LRP6: variants seen among roughly 807,000 people sequenced by gnomAD.
LRP6 encodes low-density lipoprotein receptor-related protein 6.
In LRP6, 43 loss-of-function variants were observed where a neutral mutation model predicts 184.1. The observed-to-expected ratio is 0.23, with a 90% confidence interval of 0.18 to 0.30. The LOEUF is 0.30. LRP6 is among the 10% of genes least tolerant of loss of function. The probability of loss-of-function intolerance (pLI) is 1.00; values close to 1 mark genes in which losing one functional copy is unlikely to be tolerated. For synonymous variants in LRP6, 719 were observed against 684.9 expected, an observed-to-expected ratio of 1.05 and a Z score of -0.78; for missense variants, 1,571 against 2,005.3, an observed-to-expected ratio of 0.78 and a Z score of 4.14.
rs1157764946 is a variant in LRP6 at position 12,145,624 on chromosome 12, C to CTTTT, written c.3397+1738_3397+1741dup. Among the ~76,000 whole-genome samples the CTTTT allele has an allele frequency of 3.7e-4, 30 of 80,340 alleles. 1 individual carries two copies. Among genetic ancestry groups the CTTTT allele is most frequent in the African/African-American group, 5.2e-4 (14 of 27,030 alleles). The allele number at this position is 80,340 out of a possible 152,430, so 52.7% of individuals were successfully genotyped here. A position where few individuals can be genotyped will look rare whatever the true frequency, so the allele number is the denominator to read the frequency against. On this transcript the variant is annotated intron_variant, in intron 15 of 22. Transcript: ENST00000261349. The stretch of plus-strand genomic sequence containing the variant: ...GATCCCACATTTCTTTTTTCTTTTT[C>CTTTT]TTTTTTTTTTTTTTTTTTTTTGAGA...
chr12:12,222,817 CT>C (rs1298414494), intron 2 of LRP6, among the ~76,000 whole-genome samples: 2 of 152,038 alleles, frequency 1.3e-5, no homozygotes, highest in Admixed American at 6.6e-5. Context: ...TTACATTAGT[CT>C]TTATAACATC....
chr12:12,164,153 GT>G, intron 9 of LRP6, 119 bp downstream of exon 9: 2 of 894,292 alleles, frequency 2.2e-6, no homozygotes, highest in Non-Finnish European at 3.4e-6. Context: ...AAACTTGAGG[GT>G]TTTTGTTGAA....
intron 6 of LRP6, 79 bp downstream of exon 6, chr12:12,180,964 G>T: frequency 6.8e-7 from 1 of 1,476,936 alleles, no homozygotes; most frequent in Non-Finnish European, 9.5e-7. Context: ...TATATGTCAT[G>T]TTATCTTAGT....
rs184371068 is a variant in LRP6, at chr12:12,248,517, T to C, written c.56-3862A>G. ...TTTTTTTTGAGATGGAGTCTGGCTC[T>C]GTCGCCCAGGCTGGAGTGCAGTGGT... On this transcript the variant is annotated intron_variant, in intron 1 of 22. Coordinates refer to ENST00000261349, the MANE Select transcript of LRP6 (RefSeq NM_002336.3). 1.6e-4 allele frequency among the ~76,000 whole-genome samples: 22 copies of C among 138,778 alleles called. 1 individual carries two copies. Among genetic ancestry groups the C allele is most frequent in the African/African-American group, 5.6e-4 (21 of 37,668 alleles). 91.0% of individuals were successfully genotyped at this position (138,778 alleles called of 152,430 possible).
At chr12:12,243,541 CA>C (rs1211120840) in intron 2 of LRP6, among the ~76,000 whole-genome samples, 1 of 152,010 alleles carries the variant, frequency 6.6e-6, no homozygotes, top group African/African-American at 2.4e-5. Flanking sequence ...TCTGATATCA[CA>C]AAAAATAAAT....
intron 3 of LRP6, among the ~76,000 whole-genome samples, chr12:12,189,734 C>CAAACCA (rs952189868): frequency 6.6e-6 from 1 of 152,162 alleles, no homozygotes; most frequent in Non-Finnish European, 1.5e-5. Flanking sequence ...CTCCTGACCT[C>CAAACCA]AGGTGATCTG....
chr12:12,123,207 G>C (rs1291752855), intron 22 of LRP6, among the ~76,000 whole-genome samples: 2 of 152,212 alleles, frequency 1.3e-5, no homozygotes, highest in Non-Finnish European at 2.9e-5. Flanking sequence ...TGTTTATTCT[G>C]ATGAGTGCCT....
chr12:12,200,766 A>C (rs552303568), intron 3 of LRP6, among the ~76,000 whole-genome samples: 12 of 152,306 alleles, frequency 7.9e-5, no homozygotes, highest in East Asian at 5.8e-4. Context: ...CTTCATAAAG[A>C]AGCAGCCCAT....
intron 12 of LRP6, chr12:12,155,731 C>A (rs1950142709): frequency 9.5e-7 from 1 of 1,055,126 alleles, no homozygotes; most frequent in African/African-American, 1.6e-5. Context: ...TGGGAAGGAG[C>A]CTGAGCTGCT....
chr12:12,253,575 T>TCCCCCCA (rs1865380919), intron 1 of LRP6, among the ~76,000 whole-genome samples: 1 of 51,242 alleles, frequency 2.0e-5, no homozygotes, highest in Non-Finnish European at 3.8e-5. Flanking sequence ...CCCTCCCCCC[T>TCCCCCCA]CCCCCCACCC....
rs773830427 is a variant in LRP6 at position 12,164,499 on chromosome 12, C to A, written c.1826G>T (p.Gly609Val). 6.2e-7 allele frequency: 1 copy of A among 1,614,130 alleles called. No homozygotes were observed. Among genetic ancestry groups the A allele is most frequent in the Non-Finnish European group, 8.5e-7 (1 of 1,180,028 alleles). ...CSHLCLYRPQGLRCACPIGFE... is the reference protein window; with the variant it reads ...CSHLCLYRPQVLRCACPIGFE... ...GCCAATAGGGCAAGCACAGCGAAGG[C>A]CCTGAGGTCTATAGAGGCAGAGATG... The change falls in exon 9 of 23, where the codon GGC becomes GTC. Residue 609 changes from glycine to valine, a missense_variant. By Grantham distance (109) the Gly-to-Val change is moderately radical. Coordinates refer to ENST00000261349, the MANE Select transcript of LRP6 (RefSeq NM_002336.3).
rs747136693 is a variant in LRP6, at chr12:12,121,379, G to A, written c.4589C>T (p.Thr1530Ile). ...GTCACAAACATCTGTGCTGCAGGGT[G>A]TGGTGGGGGGTGCAAAGTGCCGGTA... is the stretch of plus-strand genomic sequence containing the variant. ...YSYRHFAPPT[T>I]PCSTDVCDSD... Residue 1530 changes from threonine (T) to isoleucine (I), a missense_variant, in exon 23 of 23, where the codon ACA (threonine) becomes ATA (isoleucine). This residue lies in a region of LRP6 where 763 missense variants were observed against 859.5 expected (regional missense o/e 0.89). Coordinates refer to ENST00000261349, the MANE Select transcript of LRP6 (RefSeq NM_002336.3). The A allele has an allele frequency of 1.9e-6, 3 of 1,614,190 alleles. No homozygotes were observed. Among genetic ancestry groups the A allele is most frequent in the Non-Finnish European group, 2.5e-6 (3 of 1,180,042 alleles).
At chr12:12,250,050 A>G (rs181437745) in intron 1 of LRP6, among the ~76,000 whole-genome samples, 6 of 152,238 alleles carry the variant, frequency 3.9e-5, no homozygotes, top group Non-Finnish European at 5.9e-5. Flanking sequence ...TAAAACCACT[A>G]TCCTACTCTA....
intron 15 of LRP6, among the ~76,000 whole-genome samples, chr12:12,145,204 G>C (rs1447808453): frequency 6.6e-6 from 1 of 151,906 alleles, no homozygotes. Context: ...AGAGACAGAG[G>C]AGATCAGATG....
intron 2 of LRP6, among the ~76,000 whole-genome samples, chr12:12,230,017 G>A (rs895237587): frequency 6.6e-6 from 1 of 152,156 alleles, no homozygotes; most frequent in African/African-American, 2.4e-5. Context: ...GTTATATGCT[G>A]TTCATTAGCG....
At chr12:12,148,917 T>A (rs781766849) in intron 14 of LRP6, 25 bp downstream of exon 14, 5 of 1,574,768 alleles carry the variant, frequency 3.2e-6, no homozygotes, top group Non-Finnish European at 4.4e-6. Context: ...AGCCACAGTA[T>A]CTGAACGCCA....
intron 3 of LRP6, chr12:12,187,512 T>C (rs185082496): frequency 1.1e-5 from 3 of 263,244 alleles, no homozygotes; most frequent in African/African-American, 4.4e-5. Flanking sequence ...AGGTAAGCAA[T>C]GAGAAAAATC....
intron 2 of LRP6, among the ~76,000 whole-genome samples, chr12:12,219,238 T>A (rs1401489286): frequency 6.6e-6 from 1 of 152,210 alleles, no homozygotes; most frequent in African/African-American, 2.4e-5. Context: ...ACAGTCTCAC[T>A]CTGTCGCCCA....
Position 12,188,339 on chromosome 12 carries a change from A to G in LRP6, c.648-1220T>C, listed in dbSNP as rs116101053. ...TTTTCATAAATCCAAGTTTCCCAAT[A>G]GCCCACCCAGGAGGCAGAGATGGGC... On this transcript the variant is annotated intron_variant, in intron 3 of 22. Transcript: ENST00000261349. Among the ~76,000 whole-genome samples, 1,178 of 152,272 alleles carry G rather than the reference A, an allele frequency of 7.7e-3. 13 individuals are homozygous for G. The highest frequency in any genetic ancestry group is 0.027 in the African/African-American group (1,134 of 41,554).
Sources: allele counts gnomAD v4.1 joint callset (sites outside exome capture counted in the v4.1 genomes callset), GRCh38; gene constraint gnomAD v4.1.1; regional missense constraint gnomAD v4.1.1; transcripts MANE v1.5; gene names NCBI Gene and HGNC (gene_info 2026-07-23, HGNC 2026-07-21).